N4BP1: variants seen among roughly 807,000 people sequenced by gnomAD.
N4BP1 encodes NEDD4 binding protein 1, also known as NEDD4-binding protein 1.
In N4BP1, 21 loss-of-function variants were observed where a neutral mutation model predicts 70.9. The ratio of observed to expected loss-of-function variants is 0.30; its 90% CI spans 0.21 to 0.43. The LOEUF (loss-of-function observed/expected upper bound fraction) is 0.43, where lower values mean the gene tolerates loss of function less well. Ranked by LOEUF, N4BP1 falls within the 20% of genes least tolerant of loss-of-function variation. The pLI, the probability that N4BP1 is intolerant of heterozygous loss-of-function variation, is 1.00. For missense variants in N4BP1, 936 were observed against 1,069.4 expected (o/e 0.88, Z 1.74); for synonymous variants, 387 against 394.6 (o/e 0.98, Z 0.23).
At chr16:48,588,066 G>A (rs746523105) in intron 1 of N4BP1, among the ~76,000 whole-genome samples, 26 of 151,852 alleles carry the variant, frequency 1.7e-4, no homozygotes, top group Non-Finnish European at 3.7e-4. Context: ...TATTTAAAAT[G>A]CAATATAAGA....
At chr16:48,594,273 G>A (rs1014734649) in intron 1 of N4BP1, among the ~76,000 whole-genome samples, 1 of 152,090 alleles carries the variant, frequency 6.6e-6, no homozygotes, top group Non-Finnish European at 1.5e-5. Context: ...CACAGTAAAG[G>A]TTTTTCCTGT....
Position 48,609,638 on chromosome 16 carries a change from G to C in N4BP1, c.198+137C>G, listed in dbSNP as rs1381987288. ...GGTCACATGGCTCGCGAGCCGAAAA[G>C]GCACGTTCGCTGGCTCCCGAGACTG... On this transcript the variant is annotated intron_variant, in intron 1 of 6. Transcript: ENST00000262384. The C allele has an allele frequency of 1.8e-5, 13 of 718,778 alleles. No homozygotes were observed. The Admixed American group carries it at 5.8e-4, about 32-fold the overall frequency. 44.5% of individuals were successfully genotyped at this position (718,778 alleles called of 1,614,324 possible).
chr16:48,609,724 G>C, intron 1 of N4BP1, 51 bp downstream of exon 1: 1 of 1,284,696 alleles, frequency 7.8e-7, no homozygotes, highest in African/African-American at 1.6e-5. Flanking sequence ...GGAGCCCGGA[G>C]ACCCGGACCG....
At chr16:48,592,515 C>T (rs967141237) in intron 1 of N4BP1, among the ~76,000 whole-genome samples, 8 of 152,190 alleles carry the variant, frequency 5.3e-5, no homozygotes, top group Non-Finnish European at 7.3e-5. Context: ...AATGTTACAA[C>T]TACTGGATAT....
At position 48,561,544 on chromosome 16, in the gene N4BP1, C is replaced by T. The variant is rs1166625416; in HGVS notation, c.1099G>A (p.Val367Ile). 1 of 1,613,826 alleles carries T rather than the reference C, an allele frequency of 6.2e-7. No homozygotes were observed. The highest frequency in any genetic ancestry group is 1.7e-5 in the Admixed American group (1 of 60,004). Residue 367 changes from valine (V) to isoleucine (I), a missense_variant, in exon 2 of 7, where the codon GTC becomes ATC. Physicochemically the swap from Val to Ile is conservative, Grantham distance 29. Transcript: ENST00000262384. ...MGYSQEIVEKVIKVYGPSTEP... is the reference protein window; with the variant it reads ...MGYSQEIVEKIIKVYGPSTEP... Reference sequence around the variant, plus strand: ...GTAGATGGTCCATACACCTTAATGACCTTTTCAACAATTTCTTGGGAGTAG... The same window carrying T: ...GTAGATGGTCCATACACCTTAATGATCTTTTCAACAATTTCTTGGGAGTAG...
At chr16:48,609,356 G>C (rs1222707330) in intron 1 of N4BP1, among the ~76,000 whole-genome samples, 1 of 152,218 alleles carries the variant, frequency 6.6e-6, no homozygotes, top group African/African-American at 2.4e-5. Context: ...TGGAGGCCCG[G>C]GACTGGGGGA....
At chr16:48,594,001 CAA>C (rs750355255) in intron 1 of N4BP1, among the ~76,000 whole-genome samples, 2 of 42,552 alleles carry the variant, frequency 4.7e-5, no homozygotes, top group South Asian at 8.2e-4. Flanking sequence ...GACTCCGTCT[CAA>C]AAAAAAAAAA....
intron 1 of N4BP1, among the ~76,000 whole-genome samples, chr16:48,586,865 T>C (rs1964253238): frequency 6.6e-6 from 1 of 152,054 alleles, no homozygotes; most frequent in Admixed American, 6.5e-5. Context: ...TAAAAACTTT[T>C]AACATTTTTT....
chr16:48,584,017 T>A (rs1261012917), intron 1 of N4BP1, among the ~76,000 whole-genome samples: 1 of 152,206 alleles, frequency 6.6e-6, no homozygotes, highest in Admixed American at 6.5e-5. Flanking sequence ...GTGTTTTCGT[T>A]TGATGATTCT....
intron 1 of N4BP1, among the ~76,000 whole-genome samples, chr16:48,599,761 C>A (rs1964469567): frequency 6.6e-6 from 1 of 152,152 alleles, no homozygotes; most frequent in African/African-American, 2.4e-5. Flanking sequence ...ATAGTTCTAG[C>A]CAATTAGAGG....
At chr16:48,596,417 T>G (rs769861288) in intron 1 of N4BP1, among the ~76,000 whole-genome samples, 6 of 152,164 alleles carry the variant, frequency 3.9e-5, no homozygotes, top group South Asian at 2.1e-4. Context: ...TGCAAAGCAG[T>G]TCCACTCCTC....
At chr16:48,546,064 AGTCTAT>A (rs970036957) in intron 6 of N4BP1, 77 bp downstream of exon 6, 15 of 794,392 alleles carry the variant, frequency 1.9e-5, no homozygotes, top group Non-Finnish European at 3.0e-5. Context: ...TGTCATTTTT[AGTCTAT>A]AAAGACAGCA....
intron 1 of N4BP1, among the ~76,000 whole-genome samples, chr16:48,590,044 T>C (rs796241803): frequency 7.9e-5 from 12 of 152,322 alleles, no homozygotes; most frequent in African/African-American, 2.6e-4. Flanking sequence ...AGGAGTCATA[T>C]AGCTTCTGGC....
At position 48,561,698 on chromosome 16, in the gene N4BP1, T is replaced by C. The variant is rs746236767; in HGVS notation, c.945A>G (p.Thr315=). 1.8e-5 allele frequency: 29 copies of C among 1,612,660 alleles called. No individual in the cohort carries two copies. The highest frequency in any genetic ancestry group is 1.5e-4 in the African/African-American group (11 of 74,938). Residue 315 remains threonine, a synonymous_variant, in exon 2 of 7, where the codon ACA becomes ACG. Coordinates refer to ENST00000262384, the MANE Select transcript of N4BP1 (RefSeq NM_153029.4). ...QEGEILHDAK[T]LAGNVIADLS... ...GGTCAGCTATTACATTTCCAGCCAA[T>C]GTCTTAGCATCGTGTAAAATCTCCC...
chr16:48,609,719 C>T (rs1167554315), intron 1 of N4BP1, 56 bp downstream of exon 1: 2 of 1,239,440 alleles, frequency 1.6e-6, no homozygotes, highest in East Asian at 3.3e-5. Context: ...GAGCGGGAGC[C>T]CGGAGACCCG....
At chr16:48,589,267 G>C (rs138183381) in intron 1 of N4BP1, among the ~76,000 whole-genome samples, 417 of 152,290 alleles carry the variant, frequency 2.7e-3, no homozygotes, top group Non-Finnish European at 4.9e-3. Flanking sequence ...ATAGGTAGTA[G>C]CTTCAGGATG....
At chr16:48,595,949 G>A (rs985841535) in intron 1 of N4BP1, among the ~76,000 whole-genome samples, 1 of 152,138 alleles carries the variant, frequency 6.6e-6, no homozygotes, top group African/African-American at 2.4e-5. Flanking sequence ...CCATGGCTGG[G>A]CTTGGCTTTA....
intron 1 of N4BP1, among the ~76,000 whole-genome samples, chr16:48,589,658 C>T (rs1381057063): frequency 1.3e-5 from 2 of 152,130 alleles, no homozygotes; most frequent in Admixed American, 6.5e-5. Flanking sequence ...GTGAGAAAAT[C>T]GATTTATAGC....
chr16:48,590,362 T>C (rs1964316874), intron 1 of N4BP1, among the ~76,000 whole-genome samples: 1 of 152,074 alleles, frequency 6.6e-6, no homozygotes, highest in South Asian at 2.1e-4. Flanking sequence ...GGGTTTTGAG[T>C]AATAATAAAA....
Sources: gnomAD v4.1 joint callset for allele counts (sites outside exome capture counted in the v4.1 genomes callset) on GRCh38, gnomAD v4.1.1 for gene constraint, MANE v1.5 for transcripts, NCBI Gene and HGNC (gene_info 2026-07-23, HGNC 2026-07-21) for gene names.